Variants in UBR3 observed in about 807,000 individuals in gnomAD.
The protein encoded by UBR3 is E3 ubiquitin-protein ligase UBR3.
Under a neutral mutation model 243.2 loss-of-function variants are expected in UBR3, and 85 were observed. That is an observed-to-expected ratio of 0.35 (90% CI 0.29 to 0.42). The LOEUF (loss-of-function observed/expected upper bound fraction) is 0.42. UBR3 is among the 10% of genes least tolerant of loss of function. The pLI is 1.00. For missense variants in UBR3, 1,686 were observed against 2,300.8 expected (o/e 0.73, Z 5.47); for synonymous variants, 748 against 799.8 (o/e 0.94, Z 1.09).
At chr2:169,867,014 G>T (rs1193259614) in intron 1 of UBR3, among the ~76,000 whole-genome samples, 1 of 152,166 alleles carries the variant, frequency 6.6e-6, no homozygotes, top group African/African-American at 2.4e-5. Flanking sequence ...AAGCAAAAAA[G>T]AATACCAATG....
intron 1 of UBR3, among the ~76,000 whole-genome samples, chr2:169,859,678 T>G (rs2083018838): frequency 6.6e-6 from 1 of 150,450 alleles, no homozygotes; most frequent in Non-Finnish European, 1.5e-5. Flanking sequence ...CTCTCTGGTG[T>G]ATTCTTCATT....
At chr2:170,018,331 T>C (rs1380534745) in intron 30 of UBR3, among the ~76,000 whole-genome samples, 1 of 152,208 alleles carries the variant, frequency 6.6e-6, no homozygotes, top group Non-Finnish European at 1.5e-5. Flanking sequence ...TTAGCTCTTC[T>C]TTATTCCTTG....
intron 28 of UBR3, 102 bp downstream of exon 28, chr2:170,007,292 T>C (rs2089948609): frequency 8.0e-7 from 1 of 1,253,928 alleles, no homozygotes; most frequent in Non-Finnish European, 1.1e-6. Flanking sequence ...TTTACATATT[T>C]AGTAGAAATT....
intron 1 of UBR3, among the ~76,000 whole-genome samples, chr2:169,832,291 C>T (rs1290483739): frequency 6.6e-6 from 1 of 152,204 alleles, no homozygotes; most frequent in African/African-American, 2.4e-5. Context: ...TGGCTCACGC[C>T]TGCAATCCCA....
chr2:170,061,901 G>A (rs2091465500), intron 35 of UBR3, among the ~76,000 whole-genome samples: 1 of 152,106 alleles, frequency 6.6e-6, no homozygotes, highest in Non-Finnish European at 1.5e-5. Flanking sequence ...TATTTTTGTT[G>A]TATTTGTTAA....
intron 31 of UBR3, 103 bp downstream of exon 31, chr2:170,029,551 A>G: frequency 1.2e-6 from 1 of 853,068 alleles, no homozygotes; most frequent in Non-Finnish European, 1.7e-6. Flanking sequence ...ATTTTTTCAC[A>G]TTTTCTTTAT....
At chr2:169,910,972 T>C (rs1286500243) in intron 10 of UBR3, among the ~76,000 whole-genome samples, 1 of 152,154 alleles carries the variant, frequency 6.6e-6, no homozygotes, top group Non-Finnish European at 1.5e-5. Flanking sequence ...GAAAAAATGT[T>C]ATTTCTCTGT....
chr2:169,985,416 G>T (rs1279454824), intron 24 of UBR3, among the ~76,000 whole-genome samples: 2 of 151,682 alleles, frequency 1.3e-5, no homozygotes, highest in Non-Finnish European at 2.9e-5. Context: ...TTTTAGTAGA[G>T]ACAGGGTTTC....
intron 30 of UBR3, among the ~76,000 whole-genome samples, chr2:170,025,923 C>T (rs1390133066): frequency 6.6e-6 from 1 of 152,072 alleles, no homozygotes; most frequent in Non-Finnish European, 1.5e-5. Context: ...TGGAGCTGGG[C>T]TGGGCTGTAT....
At chr2:169,843,202 A>C (rs186028717) in intron 1 of UBR3, among the ~76,000 whole-genome samples, 2 of 152,214 alleles carry the variant, frequency 1.3e-5, no homozygotes, top group East Asian at 3.8e-4. Context: ...TTGTGCTGTT[A>C]TAACAAAATA....
In UBR3 at chr2:169,986,788, T is replaced by A; in HGVS notation, c.3778T>A (p.Ser1260Thr). The A allele has an allele frequency of 6.2e-7, 1 of 1,613,730 alleles. No homozygotes were observed. Among genetic ancestry groups the A allele is most frequent in the Non-Finnish European group, 8.5e-7 (1 of 1,179,906 alleles). Residue 1260 changes from serine (S) to threonine (T), a missense_variant, in exon 25 of 39, where the codon TCC becomes ACC. By Grantham distance (58) the Ser-to-Thr change is moderately conservative (BLOSUM62 1). Around this residue, in one of 8 missense-constraint regions of UBR3, gnomAD observed 156 missense variants for 246.3 expected, o/e 0.63. Coordinates refer to ENST00000272793, the MANE Select transcript of UBR3 (RefSeq NM_172070.4). ...PTGLVVLLQA[S>T]SVLGQCRDNV... ...TGGATTAGTTGTACTGTTACAAGCA[T>A]CCTCAGGTAAAATCAAAGTAATTTT...
At chr2:169,997,878 C>T (rs1004325889) in intron 26 of UBR3, among the ~76,000 whole-genome samples, 2 of 152,048 alleles carry the variant, frequency 1.3e-5, no homozygotes, top group African/African-American at 2.4e-5. Flanking sequence ...GATAAAAGCA[C>T]CATTTGATTT....
chr2:169,875,673 A>C lies in UBR3; in HGVS notation c.686-118A>C, dbSNP rs2083580724. On this transcript the variant is annotated intron_variant, in intron 2 of 38. Coordinates refer to ENST00000272793, the MANE Select transcript of UBR3 (RefSeq NM_172070.4). ...CAGAGTTCTTGTATTGACTTTTTTG[A>C]TTATAAAATACTATAATTTAAGCCA... is the stretch of plus-strand genomic sequence containing the variant. 3 of 1,019,502 alleles carry C rather than the reference A, an allele frequency of 2.9e-6. No homozygotes were observed. In the East Asian group the frequency reaches 8.7e-5, roughly 30 times the overall value. 63.2% of individuals were successfully genotyped at this position (1,019,502 alleles called of 1,614,324 possible).
chr2:169,996,814 C>T (rs1024093039), intron 26 of UBR3, among the ~76,000 whole-genome samples: 2 of 151,192 alleles, frequency 1.3e-5, no homozygotes, highest in African/African-American at 4.9e-5. Context: ...ATTCCCCTGC[C>T]TCAGCCTTCC....
At chr2:169,924,606 C>G (rs1057073849) in intron 13 of UBR3, among the ~76,000 whole-genome samples, 2 of 152,158 alleles carry the variant, frequency 1.3e-5, no homozygotes, top group African/African-American at 2.4e-5. Context: ...TTAATACCAG[C>G]AATGTAATTT....
chr2:169,986,262 G>T (rs1310135810), intron 24 of UBR3, among the ~76,000 whole-genome samples: 1 of 152,234 alleles, frequency 6.6e-6, no homozygotes, highest in Admixed American at 6.5e-5. Flanking sequence ...TCATGTTGTT[G>T]TGAATAACCC....
At chr2:170,023,445 T>C (rs1019325565) in intron 30 of UBR3, among the ~76,000 whole-genome samples, 1 of 151,964 alleles carries the variant, frequency 6.6e-6, no homozygotes, top group Non-Finnish European at 1.5e-5. Context: ...AGTCTCACTC[T>C]GTTGCCCAGG....
intron 30 of UBR3, among the ~76,000 whole-genome samples, chr2:170,020,598 C>T (rs1246469016): frequency 2.0e-5 from 3 of 152,194 alleles, no homozygotes; most frequent in Non-Finnish European, 2.9e-5. Context: ...AAGCTCAAAT[C>T]TGGAGCTTTT....
intron 11 of UBR3, among the ~76,000 whole-genome samples, chr2:169,915,273 C>G (rs187435307): frequency 3.3e-5 from 5 of 151,736 alleles, no homozygotes; most frequent in South Asian, 2.1e-4. Flanking sequence ...TCACTCTGTT[C>G]CCCAGGCTGG....
Sources: allele counts gnomAD v4.1 joint callset (sites outside exome capture counted in the v4.1 genomes callset), GRCh38; gene constraint gnomAD v4.1.1; regional missense constraint gnomAD v4.1.1; transcripts MANE v1.5; gene names NCBI Gene and HGNC (gene_info 2026-07-23, HGNC 2026-07-21).